The following BID variants were observed in gnomAD, a reference collection of about 807,000 sequenced individuals.
BID encodes BH3-interacting domain death agonist.
In BID, 19 loss-of-function variants were observed where a neutral mutation model predicts 17.4. The ratio of observed to expected loss-of-function variants is 1.09; its 90% confidence interval spans 0.76 to 1.60. The LOEUF (loss-of-function observed/expected upper bound fraction) is 1.60. BID is among the 40% of genes most tolerant of loss of function. BID has a pLI of 0.00. For synonymous variants in BID, 108 were observed against 102.8 expected, an observed-to-expected ratio of 1.05 and a Z score of -0.31; for missense variants, 226 against 256.0, an observed-to-expected ratio of 0.88 and a Z score of 0.80.
rs1183978299 is a variant in BID, at chr22:17,734,213, A to C, written c.*1367T>G. ...GCAGCACTTCTTTTTAGTATTTGTA[A>C]GCTTTTGCCCACTTTCAATTGAGCC... On this transcript the variant is annotated 3_prime_UTR_variant, in exon 6 of 6. Transcript: ENST00000622694. The C allele has an allele frequency of 6.6e-6, 1 of 152,208 alleles. No homozygotes were observed. Among genetic ancestry groups the C allele is most frequent in the Non-Finnish European group, 1.5e-5 (1 of 68,040 alleles). 9.4% of individuals were successfully genotyped at this position (152,208 alleles called of 1,614,324 possible).
intron 2 of BID, among the ~76,000 whole-genome samples, chr22:17,749,216 G>A (rs1464973760): frequency 6.6e-6 from 1 of 152,202 alleles, no homozygotes; most frequent in Non-Finnish European, 1.5e-5. Flanking sequence ...TGCAGCGGGT[G>A]GGAGAGAGCA....
intron 1 of BID, among the ~76,000 whole-genome samples, chr22:17,766,037 T>A (rs948153104): frequency 2.6e-5 from 4 of 151,840 alleles, no homozygotes; most frequent in African/African-American, 9.7e-5. Context: ...CAGGCGATCC[T>A]CCCCCCTCAG....
chr22:17,750,370 C>T lies in BID; in HGVS notation c.-58-196G>A, dbSNP rs563361810. On this transcript the variant is annotated intron_variant, in intron 1 of 5. Transcript: ENST00000622694. ...TCCTCATTCCAGATACTCACCCAGGCGCTCAGTGCCCTGGGGCCGACCCCG... is the reference window on the plus strand; with the variant it reads ...TCCTCATTCCAGATACTCACCCAGGTGCTCAGTGCCCTGGGGCCGACCCCG... Among the ~76,000 whole-genome samples, 4 of 152,330 alleles carry T rather than the reference C, an allele frequency of 2.6e-5. No individual in the cohort carries two copies. The East Asian group carries it at 5.8e-4, about 22-fold the overall frequency.
Position 17,767,282 on chromosome 22 carries a change from G to A in BID, c.-59+7099C>T, listed in dbSNP as rs373968189. On this transcript the variant is annotated intron_variant, in intron 1 of 5. Coordinates refer to ENST00000622694, the MANE Select transcript of BID (RefSeq NM_001196.4). ...ATTATTAGAAGTACGATTTTCCTACGTTCTGGAAATCTTAGAAATATTTAC... is the reference window on the plus strand; with the variant it reads ...ATTATTAGAAGTACGATTTTCCTACATTCTGGAAATCTTAGAAATATTTAC... Among the ~76,000 whole-genome samples the A allele has an allele frequency of 2.6e-4, 40 of 151,616 alleles. No homozygotes were observed. The South Asian group carries it at 7.3e-3, about 28-fold the overall frequency.
chr22:17,750,290 G>T, intron 1 of BID, 116 bp from the exon 2 acceptor site: 2 of 850,870 alleles, frequency 2.4e-6, no homozygotes, highest in Non-Finnish European at 3.7e-6. Flanking sequence ...CGAGGTCCTG[G>T]CCTGAGCCCC....
intron 1 of BID, among the ~76,000 whole-genome samples, chr22:17,758,959 G>A (rs1399709417): frequency 1.3e-5 from 2 of 152,198 alleles, no homozygotes; most frequent in Admixed American, 1.3e-4. Flanking sequence ...TGGGCCAGGT[G>A]TGGTGGCTCA....
intron 1 of BID, among the ~76,000 whole-genome samples, chr22:17,765,037 T>C (rs2145917464): frequency 6.6e-6 from 1 of 152,252 alleles, no homozygotes; most frequent in South Asian, 2.1e-4. Context: ...ACATCTGAAC[T>C]AGCAGATCTG....
chr22:17,764,155 C>G (rs2061662145), intron 1 of BID: 1 of 154,626 alleles, frequency 6.5e-6, no homozygotes, highest in Non-Finnish European at 1.5e-5. Flanking sequence ...GGCAAGTCAA[C>G]TCCTGGCTAC....
chr22:17,763,536 G>C (rs1196975057), intron 1 of BID, among the ~76,000 whole-genome samples: 1 of 152,168 alleles, frequency 6.6e-6, no homozygotes, highest in Non-Finnish European at 1.5e-5. Flanking sequence ...GAACCACCGT[G>C]CCTGGCCTTA....
chr22:17,758,795 A>G (rs1442354888), intron 1 of BID, among the ~76,000 whole-genome samples: 1 of 152,194 alleles, frequency 6.6e-6, no homozygotes, highest in Admixed American at 6.5e-5. Flanking sequence ...GAAAGGTGAA[A>G]AAGTTCTGGA....
chr22:17,757,327 C>T (rs748484442), intron 1 of BID, among the ~76,000 whole-genome samples: 1 of 135,408 alleles, frequency 7.4e-6, no homozygotes, highest in Non-Finnish European at 1.5e-5. Flanking sequence ...TGCTTGAGCC[C>T]GGGAGGTGGA....
intron 2 of BID, among the ~76,000 whole-genome samples, chr22:17,749,316 G>T (rs1399102853): frequency 6.6e-6 from 1 of 152,130 alleles, no homozygotes; most frequent in Non-Finnish European, 1.5e-5. Flanking sequence ...GAAGGCGGGG[G>T]CTCCGGGCTC....
chr22:17,735,908 C>T (rs552444873), intron 5 of BID, among the ~76,000 whole-genome samples: 1 of 152,322 alleles, frequency 6.6e-6, no homozygotes, highest in African/African-American at 2.4e-5. Flanking sequence ...CTGCACACGT[C>T]TTGCCCACCC....
chr22:17,752,641 A>T (rs2061547895), intron 1 of BID, among the ~76,000 whole-genome samples: 1 of 151,574 alleles, frequency 6.6e-6, no homozygotes, highest in Non-Finnish European at 1.5e-5. Flanking sequence ...ACCACTAAAG[A>T]CAGGGCTGTG....
chr22:17,759,100 G>A (rs991709668), intron 1 of BID, among the ~76,000 whole-genome samples: 6 of 151,658 alleles, frequency 4.0e-5, no homozygotes, highest in African/African-American at 1.2e-4. Context: ...GCGTGGTGGC[G>A]CACACCTGTA....
chr22:17,750,807 G>A (rs1049948520), intron 1 of BID, among the ~76,000 whole-genome samples: 4 of 152,214 alleles, frequency 2.6e-5, no homozygotes, highest in African/African-American at 7.2e-5. Flanking sequence ...CAGCCTGGGC[G>A]ACAGAGCGAG....
chr22:17,760,801 C>T (rs954904655), intron 1 of BID, among the ~76,000 whole-genome samples: 1 of 152,150 alleles, frequency 6.6e-6, no homozygotes, highest in African/African-American at 2.4e-5. Context: ...ACATGGGGAA[C>T]ATCAGCATGG....
intron 1 of BID, among the ~76,000 whole-genome samples, chr22:17,756,445 T>G (rs1404421607): frequency 3.3e-5 from 4 of 119,488 alleles, no homozygotes; most frequent in Non-Finnish European, 6.8e-5. Context: ...CTTTCTTTCT[T>G]TCTTTCTTTC....
intron 3 of BID, among the ~76,000 whole-genome samples, chr22:17,741,967 A>G (rs1182750015): frequency 1.3e-5 from 2 of 152,156 alleles, no homozygotes; most frequent in Non-Finnish European, 2.9e-5. Flanking sequence ...CCCAGCACCG[A>G]ATCTGTGCCT....
Sources: allele counts gnomAD v4.1 joint callset (sites outside exome capture counted in the v4.1 genomes callset), GRCh38; gene constraint gnomAD v4.1.1; transcripts MANE v1.5; gene names NCBI Gene and HGNC (gene_info 2026-07-23, HGNC 2026-07-21).